Variants in TOX observed in about 807,000 individuals in gnomAD.
The protein encoded by TOX is thymocyte selection-associated high mobility group box protein TOX.
Under a neutral mutation model 53.7 loss-of-function variants are expected in TOX, and 11 were observed. The observed-to-expected ratio is 0.20, with a 90% confidence interval of 0.13 to 0.34. The LOEUF (loss-of-function observed/expected upper bound fraction) is 0.34, where lower values mean the gene tolerates loss of function less well. Ranked by LOEUF, TOX falls within the 10% of genes least tolerant of loss-of-function variation. TOX has a pLI of 1.00. For synonymous variants in TOX, 225 were observed against 245.3 expected (o/e 0.92, Z 0.77); for missense variants, 570 against 664.6 (o/e 0.86, Z 1.56).
Position 58,949,947 on chromosome 8 carries a change from T to C in TOX, c.168+9996A>G, listed in dbSNP as rs1812594605. Among the ~76,000 whole-genome samples, 5 of 123,952 alleles carry C rather than the reference T, an allele frequency of 4.0e-5. No homozygotes were observed. In the South Asian group the frequency reaches 1.4e-3, roughly 35 times the overall value. The allele number at this position is 123,952 out of a possible 152,430, so 81.3% of individuals were successfully genotyped here. On this transcript the variant is annotated intron_variant, in intron 2 of 8. Coordinates refer to ENST00000361421, the MANE Select transcript of TOX (RefSeq NM_014729.3). ...TACATGTGTATAGTTCATATACACGTGTAATATACAATTACATGTGTATAG... is the reference window on the plus strand; with the variant it reads ...TACATGTGTATAGTTCATATACACGCGTAATATACAATTACATGTGTATAG...
chr8:58,996,607 C>A (rs943308160), intron 1 of TOX, among the ~76,000 whole-genome samples: 1 of 152,050 alleles, frequency 6.6e-6, no homozygotes, highest in Non-Finnish European at 1.5e-5. Context: ...TTTCCTGTAC[C>A]TTTATGTTGT....
At chr8:58,854,039 A>G (rs1024661901) in intron 3 of TOX, among the ~76,000 whole-genome samples, 1 of 152,172 alleles carries the variant, frequency 6.6e-6, no homozygotes, top group African/African-American at 2.4e-5. Context: ...GTAAGTGGAC[A>G]CTATCCTACA....
Position 59,117,462 on chromosome 8 carries a change from G to C in TOX, c.102+1424C>G, listed in dbSNP as rs373090756. 6.6e-6 allele frequency among the ~76,000 whole-genome samples: 1 copy of C among 152,094 alleles called. No homozygotes were observed. Among genetic ancestry groups the C allele is most frequent in the South Asian group, 2.1e-4 (1 of 4,822 alleles). On this transcript the variant is annotated intron_variant, in intron 1 of 8. Transcript: ENST00000361421. This position sits in a 1 kb window ranked among gnomAD's most constrained non-coding sequence, Gnocchi z 4.6. Reference sequence around the variant, plus strand: ...TTTTCTAACTTGCCTAAACACCATCGGCACACAGCACAGTCCTTTGAGTGG... The same window carrying C: ...TTTTCTAACTTGCCTAAACACCATCCGCACACAGCACAGTCCTTTGAGTGG...
chr8:59,045,254 T>C (rs2129420986), intron 1 of TOX, among the ~76,000 whole-genome samples: 1 of 152,322 alleles, frequency 6.6e-6, no homozygotes, highest in East Asian at 1.9e-4. Context: ...AAACGAGCTA[T>C]ATTTAGAAGC....
chr8:58,851,948 T>C lies in TOX; in HGVS notation c.412-143A>G. On this transcript the variant is annotated intron_variant, in intron 3 of 8. Transcript: ENST00000361421. This position sits in a 1 kb window ranked among gnomAD's most constrained non-coding sequence, Gnocchi z 4.4. ...GAGTTACATACACATTTATTTTATC[T>C]GGGGTAAAATAATCCTAAAAGTATA... The C allele has an allele frequency of 4.2e-6, 3 of 716,798 alleles. No homozygotes were observed. Among genetic ancestry groups the C allele is most frequent in the African/African-American group, 1.8e-5 (1 of 54,266 alleles). The allele number at this position is 716,798 out of a possible 1,614,324, so 44.4% of individuals were successfully genotyped here.
At chr8:59,102,636 C>T (rs1189251009) in intron 1 of TOX, among the ~76,000 whole-genome samples, 1 of 152,182 alleles carries the variant, frequency 6.6e-6, no homozygotes, top group East Asian at 1.9e-4. Flanking sequence ...CACCAGGTCT[C>T]TCCCACAAGA....
intron 4 of TOX, among the ~76,000 whole-genome samples, chr8:58,838,580 C>A (rs774024572): frequency 6.6e-6 from 1 of 151,948 alleles, no homozygotes; most frequent in Non-Finnish European, 1.5e-5. Flanking sequence ...TAAATACAAC[C>A]CCTTAACATT....
At chr8:58,892,126 CTGT>C (rs961991785) in intron 3 of TOX, among the ~76,000 whole-genome samples, 4 of 152,252 alleles carry the variant, frequency 2.6e-5, no homozygotes, top group Admixed American at 6.5e-5. Flanking sequence ...CAACAATTGA[CTGT>C]TGTTATAATT....
At chr8:59,040,280 G>C (rs991793591) in intron 1 of TOX, among the ~76,000 whole-genome samples, 1 of 130,368 alleles carries the variant, frequency 7.7e-6, no homozygotes, top group Non-Finnish European at 1.6e-5. Context: ...AGTGAGCCGA[G>C]ATCCCGCCAC....
intron 3 of TOX, among the ~76,000 whole-genome samples, chr8:58,877,049 T>A (rs2129170526): frequency 6.6e-6 from 1 of 152,332 alleles, no homozygotes; most frequent in East Asian, 1.9e-4. Context: ...GCTGCTAAAA[T>A]ATTTATGGAG....
In TOX at chr8:58,940,615, C is replaced by A. The variant is rs530431960; in HGVS notation, c.169-1071G>T. 5.5e-4 allele frequency among the ~76,000 whole-genome samples: 84 copies of A among 152,202 alleles called. 1 individual carries two copies. Among genetic ancestry groups the A allele is most frequent in the Non-Finnish European group, 8.5e-4 (58 of 67,996 alleles). On this transcript the variant is annotated intron_variant, in intron 2 of 8. Transcript: ENST00000361421. The stretch of plus-strand genomic sequence containing the variant: ...GCTTATCTTTCAAATTAAGAGTGAG[C>A]CTTCATAGTGTTTGGGTGTATGGGT...
Position 58,815,721 on chromosome 8 carries a change from A to G in TOX, c.1009T>C (p.Tyr337His), listed in dbSNP as rs1810164623. The G allele has an allele frequency of 6.2e-7, 1 of 1,604,574 alleles. No individual in the cohort carries two copies. ...GTCTTCACGTCAACAGGTTCACTGT[A>G]GCTCTGTTGAGGAAATAAATGAGCA... ...AYRASLVSKS[Y>H]SEPVDVKTSQ... is the part of the protein sequence containing the mutation. Residue 337 changes from tyrosine to histidine, a missense_variant, in exon 7 of 9, where the codon TAC (tyrosine) becomes CAC (histidine). Physicochemically the swap from Tyr to His is moderately conservative, Grantham distance 83 (BLOSUM62 2). Around this residue, in one of 3 missense-constraint regions of TOX, gnomAD observed 239 missense variants for 250.7 expected, o/e 0.95. Coordinates refer to ENST00000361421, the MANE Select transcript of TOX (RefSeq NM_014729.3).
chr8:58,990,880 C>A (rs114123229), intron 1 of TOX, among the ~76,000 whole-genome samples: 143 of 152,318 alleles, frequency 9.4e-4, no homozygotes, highest in African/African-American at 3.3e-3. Context: ...TCCTTCAGAG[C>A]AAATGCTGTA....
At chr8:59,047,516 G>T (rs1387686993) in intron 1 of TOX, among the ~76,000 whole-genome samples, 1 of 151,674 alleles carries the variant, frequency 6.6e-6, no homozygotes, top group African/African-American at 2.4e-5. Context: ...GAGCCACCGC[G>T]CCCGGCTGAA....
At chr8:58,991,203 T>C (rs1813439367) in intron 1 of TOX, among the ~76,000 whole-genome samples, 1 of 152,166 alleles carries the variant, frequency 6.6e-6, no homozygotes, top group South Asian at 2.1e-4. Context: ...ACACACATTG[T>C]GGTGACGATA....
intron 7 of TOX, chr8:58,814,430 A>G (rs1810138198): frequency 2.0e-5 from 3 of 152,204 alleles, no homozygotes; most frequent in Admixed American, 2.0e-4. Flanking sequence ...GAGACTATAA[A>G]AGATTGCCAG....
intron 1 of TOX, among the ~76,000 whole-genome samples, chr8:59,058,891 C>G (rs1012520270): frequency 2.0e-5 from 3 of 152,198 alleles, no homozygotes; most frequent in African/African-American, 7.2e-5. Context: ...AAAGTTAACA[C>G]AGCCCAGGGC....
At chr8:58,979,660 G>T (rs1044579002) in intron 1 of TOX, among the ~76,000 whole-genome samples, 1 of 152,176 alleles carries the variant, frequency 6.6e-6, no homozygotes, top group East Asian at 1.9e-4. Context: ...AACAGAGAGA[G>T]ATATAGATTC....
rs920356462 is a variant in TOX, at chr8:58,861,295, G to T, written c.412-9490C>A. ...CTGGGGATCATGTGGTCCACCCTCT[G>T]ATTCCCAAAACATCTGAATTAGCAG... is the stretch of plus-strand genomic sequence containing the variant. On this transcript the variant is annotated intron_variant, in intron 3 of 8. Coordinates refer to ENST00000361421, the MANE Select transcript of TOX (RefSeq NM_014729.3). 9.9e-5 allele frequency among the ~76,000 whole-genome samples: 15 copies of T among 152,208 alleles called. 1 individual carries two copies. Among genetic ancestry groups the T allele is most frequent in the Non-Finnish European group, 2.1e-4 (14 of 68,034 alleles).
Sources: gnomAD v4.1 joint callset for allele counts (sites outside exome capture counted in the v4.1 genomes callset) on GRCh38, gnomAD v4.1.1 for gene constraint, gnomAD v4.1.1 regional missense constraint, Gnocchi (gnomAD v3.1) non-coding constraint, MANE v1.5 for transcripts, NCBI Gene and HGNC (gene_info 2026-07-23, HGNC 2026-07-21) for gene names.